GOLM1: variants seen among roughly 807,000 people sequenced by gnomAD.
The protein encoded by GOLM1 is epididymis luminal protein 46.
A neutral mutation model predicts 50.5 loss-of-function variants in GOLM1; 31 were observed. The ratio of observed to expected loss-of-function variants is 0.61; its 90% CI spans 0.46 to 0.83. The LOEUF (loss-of-function observed/expected upper bound fraction) is 0.83, where lower values mean the gene tolerates loss of function less well. GOLM1 is among the 40% of genes least tolerant of loss of function. The probability of loss-of-function intolerance (pLI) is 0.00; values close to 1 mark genes in which losing one functional copy is unlikely to be tolerated. For missense variants in GOLM1, 491 were observed against 501.3 expected (o/e 0.98, Z 0.20); for synonymous variants, 178 against 192.8 (o/e 0.92, Z 0.64).
chr9:86,067,082 T>G (rs1339906071), intron 3 of GOLM1, among the ~76,000 whole-genome samples: 2 of 152,192 alleles, frequency 1.3e-5, no homozygotes, highest in African/African-American at 2.4e-5. Context: ...ATTACAGGCA[T>G]GCACCACCAC....
At chr9:86,055,542 G>A (rs1484156056) in intron 3 of GOLM1, among the ~76,000 whole-genome samples, 2 of 152,110 alleles carry the variant, frequency 1.3e-5, no homozygotes, top group African/African-American at 2.4e-5. Flanking sequence ...CAACCCAGGG[G>A]GTCACAGATG....
chr9:86,037,293 T>G (rs897613558), intron 6 of GOLM1, among the ~76,000 whole-genome samples: 2 of 152,002 alleles, frequency 1.3e-5, no homozygotes, highest in African/African-American at 4.8e-5. Flanking sequence ...CAGGCACCTG[T>G]GATTCCAGCT....
chr9:86,091,909 G>A (rs1232677834), intron 1 of GOLM1, among the ~76,000 whole-genome samples: 1 of 152,206 alleles, frequency 6.6e-6, no homozygotes, highest in African/African-American at 2.4e-5. Flanking sequence ...GCTACCATGA[G>A]TCAGGTGCTG....
chr9:86,052,241 G>A (rs1479256749), intron 4 of GOLM1, among the ~76,000 whole-genome samples: 2 of 152,156 alleles, frequency 1.3e-5, no homozygotes, highest in African/African-American at 4.8e-5. Flanking sequence ...TATACCATAT[G>A]TATATATAAC....
rs1832808385 is a variant in GOLM1, at chr9:86,027,062, C to T, written c.*755G>A. On this transcript the variant is annotated 3_prime_UTR_variant, in exon 10 of 10. Transcript: ENST00000388712. ...TGTCAAAAACCTAATCTGCTTCTTG[C>T]TTTTCTTGGTAATATATATTTAGGG... 6 of 985,248 alleles carry T rather than the reference C, an allele frequency of 6.1e-6. No homozygotes were observed. Among genetic ancestry groups the T allele is most frequent in the Non-Finnish European group, 7.2e-6 (6 of 829,920 alleles). The allele number at this position is 985,248 out of a possible 1,614,324, so 61.0% of individuals were successfully genotyped here.
rs887643837 is a variant in GOLM1, at chr9:86,099,393, C to A, written c.-22+18G>T. The A allele has an allele frequency of 6.6e-6, 1 of 151,922 alleles. No homozygotes were observed. Among genetic ancestry groups the A allele is most frequent in the African/African-American group, 2.4e-5 (1 of 41,424 alleles). 9.4% of individuals were successfully genotyped at this position (151,922 alleles called of 1,614,324 possible). On this transcript the variant is annotated intron_variant, in intron 1 of 9. Transcript: ENST00000388712. ...GACCGCGGTTCGGGCAGCCTGGGGC[C>A]GCGCGCCGCCCACTCACCTCTTTTC...
rs538071565 is a variant in GOLM1 at position 86,088,060 on chromosome 9, G to A, written c.-21-8719C>T. On this transcript the variant is annotated intron_variant, in intron 1 of 9. Coordinates refer to ENST00000388712, the MANE Select transcript of GOLM1 (RefSeq NM_016548.4). ...TCTGGTAGAATTTGGCTGTGATTCC[G>A]TCTGGTCCTGGGCTTTTTTTGGTTG... Among the ~76,000 whole-genome samples, 10 of 152,106 alleles carry A rather than the reference G, an allele frequency of 6.6e-5. No individual in the cohort carries two copies. The East Asian group carries it at 1.2e-3, about 18-fold the overall frequency.
intron 1 of GOLM1, among the ~76,000 whole-genome samples, chr9:86,092,891 G>A (rs776464095): frequency 1.3e-5 from 2 of 152,148 alleles, no homozygotes; most frequent in Non-Finnish European, 2.9e-5. Context: ...AGATGGAAGT[G>A]GGTGAGTGAT....
chr9:86,077,264 G>T, intron 3 of GOLM1, 148 bp downstream of exon 3: 1 of 656,200 alleles, frequency 1.5e-6, no homozygotes, highest in Non-Finnish European at 2.7e-6. Context: ...GAAAGGGAGA[G>T]AATGCCCAAA....
intron 3 of GOLM1, among the ~76,000 whole-genome samples, chr9:86,053,471 AC>A (rs1165464796): frequency 6.4e-5 from 4 of 62,310 alleles, no homozygotes; most frequent in East Asian, 7.8e-4. Flanking sequence ...ACACCACACC[AC>A]TCCATACCAC....
At chr9:86,046,672 G>C in intron 4 of GOLM1, 100 bp from the exon 5 acceptor site, 1 of 740,182 alleles carries the variant, frequency 1.4e-6, no homozygotes, top group Non-Finnish European at 2.4e-6. Context: ...AGACCATAAA[G>C]GGCAAGGACA....
chr9:86,076,454 A>AAAAAAAAG (rs1308426072), intron 3 of GOLM1, among the ~76,000 whole-genome samples: 1 of 136,662 alleles, frequency 7.3e-6, no homozygotes. Context: ...AAAAAAAAAA[A>AAAAAAAAG]GCCAAATTTT....
At chr9:86,064,218 T>G (rs1453134242) in intron 3 of GOLM1, among the ~76,000 whole-genome samples, 1 of 152,234 alleles carries the variant, frequency 6.6e-6, no homozygotes, top group Non-Finnish European at 1.5e-5. Flanking sequence ...TGAGTTTAAT[T>G]ATAAACCTGT....
At chr9:86,029,192 A>C (rs1439481704) in intron 9 of GOLM1, among the ~76,000 whole-genome samples, 1 of 152,164 alleles carries the variant, frequency 6.6e-6, no homozygotes, top group African/African-American at 2.4e-5. Flanking sequence ...CAAATGGATG[A>C]CCAACAATGT....
intron 3 of GOLM1, among the ~76,000 whole-genome samples, chr9:86,074,047 C>T (rs1335295584): frequency 6.6e-6 from 1 of 152,028 alleles, no homozygotes; most frequent in East Asian, 1.9e-4. Flanking sequence ...ACAGTGACTG[C>T]TTGAGGTGAG....
intron 9 of GOLM1, among the ~76,000 whole-genome samples, chr9:86,031,925 C>CAAAAA (rs1043805404): frequency 4.4e-4 from 16 of 36,052 alleles, no homozygotes; most frequent in African/African-American, 7.0e-4. Context: ...GACTCCATCT[C>CAAAAA]AAAAAAAAAA....
chr9:86,079,007 C>T (rs897984319), intron 2 of GOLM1, among the ~76,000 whole-genome samples, 185 bp downstream of exon 2: 3 of 152,190 alleles, frequency 2.0e-5, no homozygotes, highest in African/African-American at 7.2e-5. Context: ...CTCTCCCACC[C>T]AAAGCTGCTT....
At position 86,026,599 on chromosome 9, in the gene GOLM1, C is replaced by T. The variant is rs968067861; in HGVS notation, c.*1218G>A. ...TAGCATCTCAAATCCTGTGGATCCT[C>T]CTACTTACCCCTTAGAGAGCCTTAC... On this transcript the variant is annotated 3_prime_UTR_variant, in exon 10 of 10. Coordinates refer to ENST00000388712, the MANE Select transcript of GOLM1 (RefSeq NM_016548.4). 1.0e-6 allele frequency: 1 copy of T among 977,400 alleles called. No homozygotes were observed. The highest frequency in any genetic ancestry group is 1.2e-6 in the Non-Finnish European group (1 of 822,680). 60.5% of individuals were successfully genotyped at this position (977,400 alleles called of 1,614,324 possible).
intron 3 of GOLM1, among the ~76,000 whole-genome samples, chr9:86,057,723 G>A (rs556510687): frequency 6.0e-4 from 91 of 152,330 alleles, no homozygotes; most frequent in Admixed American, 1.3e-3. Flanking sequence ...GCAAGAAGGT[G>A]CTGGGGCAGT....
Sources: allele counts gnomAD v4.1 joint callset (sites outside exome capture counted in the v4.1 genomes callset), GRCh38; gene constraint gnomAD v4.1.1; transcripts MANE v1.5; gene names NCBI Gene and HGNC (gene_info 2026-07-23, HGNC 2026-07-21).